Variants in TMEM175 observed in about 807,000 individuals in gnomAD.
TMEM175 encodes the protein endosomal/lysosomal proton channel TMEM175.
A neutral mutation model predicts 36.5 loss-of-function variants in TMEM175; 36 were observed. The observed-to-expected ratio is 0.99, with a 90% CI of 0.76 to 1.30. The LOEUF is 1.30. TMEM175 is among the 50% of genes most tolerant of loss of function. The probability of loss-of-function intolerance (pLI) is 0.00; values close to 1 mark genes in which losing one functional copy is unlikely to be tolerated. For synonymous variants in TMEM175, 339 were observed against 313.4 expected (o/e 1.08, Z -0.86); for missense variants, 705 against 692.8 (o/e 1.02, Z -0.20).
At position 945,487 on chromosome 4, in the gene TMEM175, G is replaced by A. The variant is rs192407141; in HGVS notation, c.-31-2222G>A. Among the ~76,000 whole-genome samples the A allele has an allele frequency of 2.5e-4, 38 of 152,122 alleles. No individual in the cohort carries two copies. In the East Asian group the frequency reaches 3.9e-3, roughly 15 times the overall value. On this transcript the variant is annotated intron_variant, in intron 1 of 10. Transcript: ENST00000264771. Reference sequence around the variant, plus strand: ...CCACCACCCTGGCTGGCCTCTCTCCGTTTCATTTGCACCTCCCCGATCTCC... The same window carrying A: ...CCACCACCCTGGCTGGCCTCTCTCCATTTCATTTGCACCTCCCCGATCTCC...
chr4:936,904 C>A (rs1401262890), intron 1 of TMEM175, among the ~76,000 whole-genome samples: 1 of 151,956 alleles, frequency 6.6e-6, no homozygotes, highest in South Asian at 2.1e-4. Flanking sequence ...TTGCAGTGAG[C>A]CGAGATTGAG....
At chr4:945,355 C>T (rs1320630472) in intron 1 of TMEM175, among the ~76,000 whole-genome samples, 2 of 151,996 alleles carry the variant, frequency 1.3e-5, no homozygotes, top group African/African-American at 2.4e-5. Flanking sequence ...CTGTTTTCCC[C>T]ACGTCTTTGC....
rs1351225818 is a variant in TMEM175 at position 955,496 on chromosome 4, T to C, written c.706+13T>C. ...GACAGGCTCCTGGGTAGGTGATGAC[T>C]GGGTGGGCTGGCCTGAGAGGCCTGT... On this transcript the variant is annotated intron_variant, in intron 9 of 10. Transcript: ENST00000264771. 6.2e-7 allele frequency: 1 copy of C among 1,612,804 alleles called. No homozygotes were observed. Among genetic ancestry groups the C allele is most frequent in the East Asian group, 2.2e-5 (1 of 44,880 alleles).
chr4:936,082 T>C (rs1726743881), intron 1 of TMEM175, among the ~76,000 whole-genome samples: 1 of 152,194 alleles, frequency 6.6e-6, no homozygotes, highest in Admixed American at 6.6e-5. Flanking sequence ...CTGGGCACGG[T>C]AGCTCACTTT....
At chr4:947,304 G>A (rs1186801301) in intron 1 of TMEM175, among the ~76,000 whole-genome samples, 1 of 151,716 alleles carries the variant, frequency 6.6e-6, no homozygotes, top group African/African-American at 2.4e-5. Flanking sequence ...AGGCACGTGT[G>A]CACGGGCCCT....
chr4:938,859 C>T (rs1727106721), intron 1 of TMEM175, among the ~76,000 whole-genome samples: 2 of 152,202 alleles, frequency 1.3e-5, no homozygotes, highest in African/African-American at 2.4e-5. Context: ...AAATTCCCAG[C>T]AGACTATGAG....
At chr4:954,657 C>CA (rs1214750581) in intron 8 of TMEM175, among the ~76,000 whole-genome samples, 1 of 152,184 alleles carries the variant, frequency 6.6e-6, no homozygotes, top group Non-Finnish European at 1.5e-5. Context: ...TGTGTGCCCA[C>CA]AGTGAGTTTC....
chr4:949,630 C>T (rs76054593), intron 3 of TMEM175, among the ~76,000 whole-genome samples: 7,386 of 151,662 alleles, frequency 0.049, 262 homozygotes, highest in Middle Eastern at 0.13. Context: ...GACCTGCCTG[C>T]AAGTGAAGAA....
At chr4:949,958 T>C (rs1381509791) in intron 3 of TMEM175, among the ~76,000 whole-genome samples, 3 of 152,148 alleles carry the variant, frequency 2.0e-5, no homozygotes, top group African/African-American at 4.8e-5. Context: ...CCGGTTATGA[T>C]GGCAGAGCCT....
intron 3 of TMEM175, chr4:948,562 G>GCGCCC (rs1560485730): frequency 7.5e-7 from 1 of 1,332,370 alleles, no homozygotes; most frequent in African/African-American, 1.5e-5. Flanking sequence ...AACGCGGCCA[G>GCGCCC]CGCCCCGTCT....
intron 1 of TMEM175, among the ~76,000 whole-genome samples, chr4:947,010 C>T (rs1273942224): frequency 2.8e-5 from 4 of 143,968 alleles, no homozygotes; most frequent in Non-Finnish European, 4.5e-5. Flanking sequence ...AGGGAGAGCG[C>T]GGCCCCTGTA....
At chr4:950,558 C>G (rs1560488627) in intron 4 of TMEM175, 40 bp downstream of exon 4, 2 of 1,499,444 alleles carry the variant, frequency 1.3e-6, no homozygotes, top group African/African-American at 2.8e-5. Context: ...TAGCTGCTCT[C>G]AAGGTTCCCG....
chr4:944,997 G>A (rs1249439652), intron 1 of TMEM175, among the ~76,000 whole-genome samples: 1 of 152,196 alleles, frequency 6.6e-6, no homozygotes, highest in African/African-American at 2.4e-5. Flanking sequence ...CAGCAACACA[G>A]GAGGCTGAGG....
chr4:957,259 T>C (rs575933039), intron 10 of TMEM175, among the ~76,000 whole-genome samples: 141 of 152,030 alleles, frequency 9.3e-4, no homozygotes, highest in Non-Finnish European at 1.6e-3. Flanking sequence ...CACTTCCCGA[T>C]GTTGAAGGAC....
intron 1 of TMEM175, among the ~76,000 whole-genome samples, chr4:933,044 C>T (rs1359451980): frequency 6.6e-6 from 1 of 152,250 alleles, no homozygotes; most frequent in Non-Finnish European, 1.5e-5. Context: ...AGCAAATCCT[C>T]ATGAACCACT....
intron 5 of TMEM175, 152 bp from the exon 6 acceptor site, chr4:951,530 G>A (rs1728887058): frequency 2.0e-6 from 2 of 980,908 alleles, no homozygotes; most frequent in African/African-American, 1.6e-5. Flanking sequence ...GCCCCCATCT[G>A]GCCCTGCAGG....
intron 1 of TMEM175, among the ~76,000 whole-genome samples, chr4:944,907 C>A (rs921663844): frequency 4.0e-5 from 6 of 151,564 alleles, no homozygotes; most frequent in Non-Finnish European, 8.8e-5. Flanking sequence ...TCAAGACCAG[C>A]CTGGGCAACA....
chr4:954,574 T>C (rs1729382878), intron 8 of TMEM175, among the ~76,000 whole-genome samples: 1 of 152,204 alleles, frequency 6.6e-6, no homozygotes, highest in South Asian at 2.1e-4. Context: ...ACTGTGGGCA[T>C]TGCTGGAGTG....
Position 932,942 on chromosome 4 carries a change from A to G in TMEM175, c.-32+402A>G, listed in dbSNP as rs985743810. 2.6e-5 allele frequency among the ~76,000 whole-genome samples: 4 copies of G among 152,216 alleles called. No individual in the cohort carries two copies. The highest frequency in any genetic ancestry group is 5.9e-5 in the Non-Finnish European group (4 of 68,044). ...TGACCAGTAGTGGGAGCCGTGGGCTAGAAAAACCTTCGTCCTGGGCAACCA... is the reference window on the plus strand; with the variant it reads ...TGACCAGTAGTGGGAGCCGTGGGCTGGAAAAACCTTCGTCCTGGGCAACCA... On this transcript the variant is annotated intron_variant, in intron 1 of 10. Transcript: ENST00000264771. This position sits in a 1 kb window ranked among gnomAD's most constrained non-coding sequence, Gnocchi z 4.0.
Sources: gnomAD v4.1 joint callset for allele counts (sites outside exome capture counted in the v4.1 genomes callset) on GRCh38, gnomAD v4.1.1 for gene constraint, Gnocchi (gnomAD v3.1) non-coding constraint, MANE v1.5 for transcripts, NCBI Gene and HGNC (gene_info 2026-07-23, HGNC 2026-07-21) for gene names.